Variants in CNTN4 observed in about 807,000 individuals in gnomAD.
CNTN4 encodes the protein contactin-4.
A neutral mutation model predicts 122.5 loss-of-function variants in CNTN4; 77 were observed. That is an observed-to-expected ratio of 0.63 (90% CI 0.52 to 0.76). The LOEUF (loss-of-function observed/expected upper bound fraction) is 0.76. Among genes scored for constraint, CNTN4 ranks in the 30% least tolerant of loss-of-function variants. The pLI is 0.00. For synonymous variants in CNTN4, 512 were observed against 447.0 expected, an observed-to-expected ratio of 1.15 and a Z score of -1.83; for missense variants, 1,256 against 1,259.1, an observed-to-expected ratio of 1.00 and a Z score of 0.04.
chr3:2,491,476 ATTATAC>A (rs1270417151), intron 3 of CNTN4, among the ~76,000 whole-genome samples: 4 of 152,330 alleles, frequency 2.6e-5, no homozygotes, highest in Non-Finnish European at 4.4e-5. Context: ...ATTGGTGATT[ATTATAC>A]TTAAAAAATA....
intron 6 of CNTN4, among the ~76,000 whole-genome samples, chr3:2,782,976 C>A (rs1553638681): frequency 1.3e-5 from 2 of 152,134 alleles, no homozygotes; most frequent in Non-Finnish European, 2.9e-5. Flanking sequence ...TGGTCCAGTT[C>A]CCTAACTTTA....
chr3:2,756,866 G>A (rs1043043771), intron 6 of CNTN4, among the ~76,000 whole-genome samples: 2 of 152,258 alleles, frequency 1.3e-5, no homozygotes, highest in Non-Finnish European at 2.9e-5. Flanking sequence ...TTGATTTCGG[G>A]TATCTAGCTT....
At chr3:2,186,748 C>T (rs1222047695) in intron 2 of CNTN4, among the ~76,000 whole-genome samples, 5 of 152,170 alleles carry the variant, frequency 3.3e-5, no homozygotes, top group African/African-American at 1.2e-4. Context: ...AGTGTCTGTT[C>T]ATATCCTTTG....
At chr3:2,551,227 G>A (rs149724609) in intron 3 of CNTN4, among the ~76,000 whole-genome samples, 8 of 152,190 alleles carry the variant, frequency 5.3e-5, no homozygotes, top group Non-Finnish European at 7.4e-5. Flanking sequence ...ATCACTTAAT[G>A]GAAAACATTA....
rs751219724 is a variant in CNTN4, at chr3:2,525,853, T to G, written c.-88-45563T>G. 5.1e-4 allele frequency among the ~76,000 whole-genome samples: 77 copies of G among 152,288 alleles called. No homozygotes were observed. In the Middle Eastern group the frequency reaches 0.01, roughly 20 times the overall value. The stretch of plus-strand genomic sequence containing the variant: ...CTTTGTAGTATGATGAAACATTTTA[T>G]ATATACATATGTGCTAGCACACACA... On this transcript the variant is annotated intron_variant, in intron 3 of 24. Transcript: ENST00000418658.
chr3:2,510,271 T>C (rs1268211905), intron 3 of CNTN4, among the ~76,000 whole-genome samples: 1 of 152,182 alleles, frequency 6.6e-6, no homozygotes, highest in Non-Finnish European at 1.5e-5. Context: ...AAGAATAGAA[T>C]GTCACATTGT....
chr3:2,212,718 G>A (rs2149447724), intron 2 of CNTN4, among the ~76,000 whole-genome samples: 1 of 152,272 alleles, frequency 6.6e-6, no homozygotes, highest in Non-Finnish European at 1.5e-5. Context: ...TTAAAATAGT[G>A]TTTTTTCAAT....
intron 7 of CNTN4, among the ~76,000 whole-genome samples, chr3:2,854,232 A>G (rs910927565): frequency 1.3e-5 from 2 of 151,248 alleles, no homozygotes; most frequent in African/African-American, 2.4e-5. Context: ...ATCTTGGGCC[A>G]TAATGAAAAC....
intron 6 of CNTN4, among the ~76,000 whole-genome samples, chr3:2,750,991 G>A (rs1263464507): frequency 1.3e-5 from 2 of 152,058 alleles, no homozygotes; most frequent in Non-Finnish European, 2.9e-5. Context: ...GGTGTGGCAG[G>A]CGTTGGCCCA....
rs539368365 is a variant in CNTN4, at chr3:2,152,248, TCAA to T, written c.-145+51610_-145+51612del. On this transcript the variant is annotated intron_variant, in intron 2 of 24. Coordinates refer to ENST00000418658, the MANE Select transcript of CNTN4 (RefSeq NM_175607.3). ...GTAGGCCCAGCTTGTTCCAAGTGCC[TCAA>T]GAAAGCCTCTGTAACTGGAACAGAG... 1.9e-3 allele frequency among the ~76,000 whole-genome samples: 294 copies of T among 152,240 alleles called. 3 individuals are homozygous for T. Among genetic ancestry groups the T allele is most frequent in the Middle Eastern group, 0.01 (3 of 294 alleles).
chr3:2,495,085 T>C (rs769287627), intron 3 of CNTN4, among the ~76,000 whole-genome samples: 5 of 152,156 alleles, frequency 3.3e-5, no homozygotes, highest in Non-Finnish European at 5.9e-5. Context: ...AGAGAAGGGC[T>C]TCATCTATTG....
intron 6 of CNTN4, among the ~76,000 whole-genome samples, chr3:2,756,944 T>A (rs926719279): frequency 6.6e-6 from 1 of 152,140 alleles, no homozygotes; most frequent in African/African-American, 2.4e-5. Flanking sequence ...TTGCAGTGGT[T>A]CCAGGAAACA....
chr3:2,510,375 GTT>G (rs5846187), intron 3 of CNTN4, among the ~76,000 whole-genome samples: 12 of 133,988 alleles, frequency 9.0e-5, no homozygotes, highest in Admixed American at 1.4e-4. Context: ...TTTGTTTGGG[GTT>G]TTTTTTTGTT....
At position 2,643,596 on chromosome 3, in the gene CNTN4, A is replaced by G. The variant is rs546120865; in HGVS notation, c.55+72038A>G. Among the ~76,000 whole-genome samples the G allele has an allele frequency of 8.5e-5, 13 of 152,332 alleles. No homozygotes were observed. The East Asian group carries it at 2.5e-3, about 29-fold the overall frequency. ...TGCGAGATGCTGAGGATATAGCAGT[A>G]AAAATACAGGTAAGGAATCCCTGAT... On this transcript the variant is annotated intron_variant, in intron 4 of 24. Coordinates refer to ENST00000418658, the MANE Select transcript of CNTN4 (RefSeq NM_175607.3).
chr3:2,686,898 T>G (rs1294918218), intron 4 of CNTN4, among the ~76,000 whole-genome samples: 1 of 152,170 alleles, frequency 6.6e-6, no homozygotes, highest in Non-Finnish European at 1.5e-5. Flanking sequence ...TACAAATCAT[T>G]GCCACCAAAA....
In CNTN4 at chr3:2,336,181, C is replaced by T. The variant is rs181219771; in HGVS notation, c.-144-2997C>T. Among the ~76,000 whole-genome samples, 515 of 151,944 alleles carry T rather than the reference C, an allele frequency of 3.4e-3. 4 individuals are homozygous for T. The highest frequency in any genetic ancestry group is 0.014 in the Middle Eastern group (4 of 294). ...AGGATTATTTCAAAAGTAATATTCT[C>T]TTACTGTTTTAGATACATTTTGATG... On this transcript the variant is annotated intron_variant, in intron 2 of 24. Coordinates refer to ENST00000418658, the MANE Select transcript of CNTN4 (RefSeq NM_175607.3).
intron 2 of CNTN4, among the ~76,000 whole-genome samples, chr3:2,156,379 C>T (rs1383267713): frequency 6.6e-6 from 1 of 152,140 alleles, no homozygotes; most frequent in Non-Finnish European, 1.5e-5. Context: ...CTGTATACAG[C>T]AGAGTTCATT....
chr3:2,226,544 G>A (rs1189889723), intron 2 of CNTN4, among the ~76,000 whole-genome samples: 1 of 152,110 alleles, frequency 6.6e-6, no homozygotes, highest in Non-Finnish European at 1.5e-5. Context: ...AGAAATAAGT[G>A]CCCTATTGCC....
At chr3:2,972,211 A>G (rs1692991651) in intron 13 of CNTN4, among the ~76,000 whole-genome samples, 1 of 152,198 alleles carries the variant, frequency 6.6e-6, no homozygotes, top group South Asian at 2.1e-4. Flanking sequence ...ATTTTTAAAA[A>G]GTGAATTTGC....
Sources: gnomAD v4.1 joint callset for allele counts (sites outside exome capture counted in the v4.1 genomes callset) on GRCh38, gnomAD v4.1.1 for gene constraint, MANE v1.5 for transcripts, NCBI Gene and HGNC (gene_info 2026-07-23, HGNC 2026-07-21) for gene names.